ADAMTS12: variants seen among roughly 807,000 people sequenced by gnomAD.
The protein encoded by ADAMTS12 is ADAM metallopeptidase with thrombospondin type 1 motif 12.
In ADAMTS12, 118 loss-of-function variants were observed where a neutral mutation model predicts 167.8. That is an observed-to-expected ratio of 0.70 (90% CI 0.61 to 0.82). ADAMTS12 has a LOEUF of 0.82. Among genes scored for constraint, ADAMTS12 ranks in the 40% least tolerant of loss-of-function variants. The pLI is 0.00. For missense variants in ADAMTS12, 1,916 were observed against 1,998.8 expected (o/e 0.96, Z 0.79); for synonymous variants, 704 against 716.9 (o/e 0.98, Z 0.29).
At chr5:33,540,428 C>T (rs183658098) in intron 22 of ADAMTS12, among the ~76,000 whole-genome samples, 1 of 152,384 alleles carries the variant, frequency 6.6e-6, no homozygotes, top group Non-Finnish European at 1.5e-5. Flanking sequence ...CTTAAACATC[C>T]CTGTCTGACA....
At chr5:33,654,181 G>T (rs1740960931) in intron 7 of ADAMTS12, among the ~76,000 whole-genome samples, 1 of 151,734 alleles carries the variant, frequency 6.6e-6, no homozygotes, top group Admixed American at 6.6e-5. Flanking sequence ...TTATTTCTTA[G>T]CTGACACATT....
chr5:33,579,877 C>A (rs1746968983), intron 18 of ADAMTS12, among the ~76,000 whole-genome samples: 1 of 152,178 alleles, frequency 6.6e-6, no homozygotes, highest in Admixed American at 6.5e-5. Context: ...TAACAAAAGG[C>A]TTGGGGTTCC....
intron 2 of ADAMTS12, among the ~76,000 whole-genome samples, chr5:33,858,493 CAA>C (rs1478719585): frequency 1.3e-5 from 2 of 151,980 alleles, no homozygotes; most frequent in African/African-American, 4.8e-5. Context: ...CCAATCTCTA[CAA>C]AAGATTTTAA....
chr5:33,634,797 G>A (rs879416240), intron 12 of ADAMTS12, among the ~76,000 whole-genome samples: 7 of 151,968 alleles, frequency 4.6e-5, no homozygotes, highest in East Asian at 3.9e-4. Flanking sequence ...AACAAAAGTA[G>A]AAATAATTTT....
At chr5:33,761,153 C>CATG (rs112799975) in intron 2 of ADAMTS12, among the ~76,000 whole-genome samples, 33,640 of 152,052 alleles carry the variant, frequency 0.22, 4,989 homozygotes, top group East Asian at 0.55. Context: ...ACTTCTTTTT[C>CATG]ATATCCCAGT....
chr5:33,532,344 T>A (rs1197456274), intron 23 of ADAMTS12, among the ~76,000 whole-genome samples: 1 of 152,230 alleles, frequency 6.6e-6, no homozygotes, highest in Non-Finnish European at 1.5e-5. Flanking sequence ...AGACATCTTG[T>A]GATCAATAAT....
chr5:33,636,238 C>T (rs1740186967), intron 12 of ADAMTS12, among the ~76,000 whole-genome samples: 1 of 152,142 alleles, frequency 6.6e-6, no homozygotes, highest in South Asian at 2.1e-4. Flanking sequence ...AGCAGCTATG[C>T]TATCTTAGCT....
intron 2 of ADAMTS12, among the ~76,000 whole-genome samples, chr5:33,851,897 T>C (rs1216743720): frequency 6.6e-6 from 1 of 152,242 alleles, no homozygotes; most frequent in South Asian, 2.1e-4. Context: ...CACACGCATG[T>C]GCAAGCACAC....
intron 7 of ADAMTS12, among the ~76,000 whole-genome samples, chr5:33,652,706 A>G (rs1740909830): frequency 6.6e-6 from 1 of 151,854 alleles, no homozygotes. Context: ...CTTTGCCTGG[A>G]CCAAAAGAGT....
At chr5:33,612,601 G>C (rs1000853251) in intron 16 of ADAMTS12, among the ~76,000 whole-genome samples, 48 of 152,292 alleles carry the variant, frequency 3.2e-4, no homozygotes, top group African/African-American at 1.1e-3. Flanking sequence ...GAACAAAGGG[G>C]ATGACAAATC....
intron 3 of ADAMTS12, among the ~76,000 whole-genome samples, chr5:33,694,342 G>C (rs900278613): frequency 6.6e-6 from 1 of 152,176 alleles, no homozygotes; most frequent in Non-Finnish European, 1.5e-5. Flanking sequence ...CCTCTAGTAA[G>C]AGCAATCACA....
chr5:33,853,944 C>T (rs1399632033), intron 2 of ADAMTS12, among the ~76,000 whole-genome samples: 9 of 152,164 alleles, frequency 5.9e-5, no homozygotes, highest in Admixed American at 5.9e-4. Flanking sequence ...AGTAACAGCT[C>T]TAAAGAGGCA....
chr5:33,586,418 TGTCAAGTG>T (rs142665524), intron 18 of ADAMTS12, among the ~76,000 whole-genome samples: 319 of 152,352 alleles, frequency 2.1e-3, no homozygotes, highest in African/African-American at 7.4e-3. Flanking sequence ...TGCTCAGCTC[TGTCAAGTG>T]GAAGCTAGAA....
At chr5:33,626,972 A>G (rs1349139821) in intron 13 of ADAMTS12, among the ~76,000 whole-genome samples, 1 of 143,752 alleles carries the variant, frequency 7.0e-6, no homozygotes, top group African/African-American at 2.6e-5. Context: ...GTTATGTGGT[A>G]GTGGTAATGA....
At chr5:33,658,480 C>A in intron 6 of ADAMTS12, 147 bp from the exon 7 acceptor site, 1 of 825,014 alleles carries the variant, frequency 1.2e-6, no homozygotes, top group Non-Finnish European at 1.8e-6. Flanking sequence ...ATGTAGGCAG[C>A]AATTTTGAAT....
At chr5:33,594,803 C>T (rs1199878894) in intron 17 of ADAMTS12, among the ~76,000 whole-genome samples, 1 of 152,166 alleles carries the variant, frequency 6.6e-6, no homozygotes, top group Non-Finnish European at 1.5e-5. Flanking sequence ...GCCTCTGGGT[C>T]CTGCCTGTTT....
rs546766159 is a variant in ADAMTS12, at chr5:33,801,416, A to T, written c.490-49868T>A. 2.0e-5 allele frequency among the ~76,000 whole-genome samples: 3 copies of T among 152,346 alleles called. No individual in the cohort carries two copies. In the South Asian group the frequency reaches 6.2e-4, roughly 32 times the overall value. On this transcript the variant is annotated intron_variant, in intron 2 of 23. Transcript: ENST00000504830. ...TAACTGAGTAAATCAGCCTTAAACA[A>T]CTAGCAAATGTCACTTCATGGCATG...
intron 3 of ADAMTS12, among the ~76,000 whole-genome samples, chr5:33,711,142 A>G (rs1021082606): frequency 2.0e-5 from 3 of 152,004 alleles, no homozygotes; most frequent in African/African-American, 7.3e-5. Flanking sequence ...GGACCTCAAC[A>G]ATGCCTTTTA....
chr5:33,569,374 G>C (rs1221584194), intron 19 of ADAMTS12, among the ~76,000 whole-genome samples: 1 of 152,162 alleles, frequency 6.6e-6, no homozygotes, highest in African/African-American at 2.4e-5. Context: ...CACCTCACAC[G>C]GTCAGGTACT....
Sources: allele counts gnomAD v4.1 joint callset (sites outside exome capture counted in the v4.1 genomes callset), GRCh38; gene constraint gnomAD v4.1.1; transcripts MANE v1.5; gene names NCBI Gene and HGNC (gene_info 2026-07-23, HGNC 2026-07-21).